The following ALKAL2 variants were observed in gnomAD, a reference collection of about 807,000 sequenced individuals.
ALKAL2 encodes the protein ALK and LTK ligand 2, also known as AUG-alpha.
ALKAL2 carries 8 observed loss-of-function variants against 18.5 expected under a neutral mutation model. The observed-to-expected ratio is 0.43, with a 90% CI of 0.25 to 0.78. The LOEUF (loss-of-function observed/expected upper bound fraction) is 0.78. ALKAL2 is among the 30% of genes least tolerant of loss of function. The pLI is 0.22. For synonymous variants in ALKAL2, 135 were observed against 95.8 expected (o/e 1.41, Z -2.39); for missense variants, 241 against 211.2 (o/e 1.14, Z -0.88).
intron 2 of ALKAL2, 152 bp from the exon 3 acceptor site, chr2:286,495 C>G (rs1013068019): frequency 3.3e-6 from 2 of 599,810 alleles, no homozygotes; most frequent in Non-Finnish European, 5.9e-6. Context: ...TTGCAACACA[C>G]GACAGTGAAG....
intron 4 of ALKAL2, among the ~76,000 whole-genome samples, chr2:285,152 G>C (rs1302072112): frequency 6.6e-6 from 1 of 152,256 alleles, no homozygotes; most frequent in African/African-American, 2.4e-5. Flanking sequence ...AAACGCGCTG[G>C]TGACGCTACT....
intron 2 of ALKAL2, 43 bp from the exon 3 acceptor site, chr2:286,386 A>T (rs557522709): frequency 4.7e-5 from 69 of 1,470,752 alleles, no homozygotes; most frequent in Middle Eastern, 3.9e-4. Flanking sequence ...TGAAGGACGC[A>T]TTTTTTAAAA....
In ALKAL2 at chr2:287,879, G is replaced by A. The variant is rs1670581958; in HGVS notation, c.-44C>T. On this transcript the variant is annotated 5_prime_UTR_variant, in exon 2 of 6. Coordinates refer to ENST00000403610, the MANE Select transcript of ALKAL2 (RefSeq NM_001002919.3). ...GGGCTGGGAGACTCCGACACGCGCC[G>A]AGAGCTGGGCTCGCTGCGAGAGAAG... 2.4e-6 allele frequency: 3 copies of A among 1,258,218 alleles called. No individual in the cohort carries two copies. The Admixed American group carries it at 1.3e-4, about 54-fold the overall frequency. The allele number at this position is 1,258,218 out of a possible 1,614,324, so 77.9% of individuals were successfully genotyped here.
intron 4 of ALKAL2, 108 bp downstream of exon 4, chr2:286,015 A>G: frequency 1.1e-6 from 1 of 908,520 alleles, no homozygotes; most frequent in South Asian, 1.6e-5. Flanking sequence ...AGGAAGGAAT[A>G]GGCAAATTTG....
chr2:287,786 C>T lies in ALKAL2; in HGVS notation c.50G>A (p.Gly17Glu). 2 of 1,393,746 alleles carry T rather than the reference C, an allele frequency of 1.4e-6. No individual in the cohort carries two copies. Among genetic ancestry groups the T allele is most frequent in the Non-Finnish European group, 9.3e-7 (1 of 1,080,460 alleles). 86.3% of individuals were successfully genotyped at this position (1,393,746 alleles called of 1,614,324 possible). A position where few individuals can be genotyped will look rare whatever the true frequency, so the allele number is the denominator to read the frequency against. Residue 17 changes from glycine to glutamate, a missense_variant, in exon 2 of 6, where the codon GGG becomes GAG. Physicochemically the swap from Gly to Glu is moderately conservative, Grantham distance 98. Transcript: ENST00000403610. ...GCCCCCCCGGCCGCGCCCCGCCGCC[C>T]CCAGCACCAGCAGCAGCCCCAGGAG... Reference protein sequence around the residue: ...PLLLGLLLVLGAAGRGRGGAE... With the variant: ...PLLLGLLLVLEAAGRGRGGAE...
Position 280,074 on chromosome 2 carries a change from G to C in ALKAL2, c.*73C>G. The C allele has an allele frequency of 6.4e-7, 1 of 1,554,626 alleles. No individual in the cohort carries two copies. The highest frequency in any genetic ancestry group is 8.9e-7 in the Non-Finnish European group (1 of 1,125,716). On this transcript the variant is annotated 3_prime_UTR_variant, in exon 6 of 6. Transcript: ENST00000403610. Reference sequence around the variant, plus strand: ...TTGTCCATGAGGGGATGTGTATAAAGATAGTTCTGTTTCCCTGTTGGTTTC... The same window carrying C: ...TTGTCCATGAGGGGATGTGTATAAACATAGTTCTGTTTCCCTGTTGGTTTC...
At position 286,212 on chromosome 2, in the gene ALKAL2, C is replaced by G. The variant is rs552092917; in HGVS notation, c.308-9G>C. On this transcript the variant is annotated splice_polypyrimidine_tract_variant and intron_variant, in intron 3 of 5. Transcript: ENST00000403610. The stretch of plus-strand genomic sequence containing the variant: ...ACTAAAATAAAGAGGGCCTGGAACA[C>G]GGAAGAAGAAACAGATCATGAAGAC... The G allele has an allele frequency of 6.2e-7, 1 of 1,613,414 alleles. No homozygotes were observed. Among genetic ancestry groups the G allele is most frequent in the South Asian group, 1.1e-5 (1 of 91,022 alleles).
rs766597625 is a variant in ALKAL2, at chr2:287,571, G to C, written c.253+12C>G. On this transcript the variant is annotated intron_variant, in intron 2 of 5. Coordinates refer to ENST00000403610, the MANE Select transcript of ALKAL2 (RefSeq NM_001002919.3). ...GCAGCCCCGGCCCTCGGGCGCGCTC[G>C]GCCCCACTCACCCACTCGCTGCTCC... The C allele has an allele frequency of 2.1e-6, 3 of 1,397,016 alleles. No homozygotes were observed. The highest frequency in any genetic ancestry group is 1.8e-6 in the Non-Finnish European group (2 of 1,081,666). The allele number at this position is 1,397,016 out of a possible 1,614,324, so 86.5% of individuals were successfully genotyped here. A position where few individuals can be genotyped will look rare whatever the true frequency, so the allele number is the denominator to read the frequency against.
intron 4 of ALKAL2, chr2:283,547 A>C (rs1670418220): frequency 3.0e-6 from 3 of 985,456 alleles, no homozygotes; most frequent in East Asian, 1.1e-4. Flanking sequence ...GTGCAGGCTG[A>C]ATCCCAACTT....
At chr2:285,669 G>C (rs958817911) in intron 4 of ALKAL2, among the ~76,000 whole-genome samples, 2 of 152,206 alleles carry the variant, frequency 1.3e-5, no homozygotes, top group Non-Finnish European at 2.9e-5. Context: ...GCCAGCCAGA[G>C]AAACAGTTTT....
In ALKAL2 at chr2:287,561, G is replaced by A. The variant is rs760058672; in HGVS notation, c.253+22C>T. 3.7e-6 allele frequency: 5 copies of A among 1,362,700 alleles called. No individual in the cohort carries two copies. The African/African-American group carries it at 6.1e-5, about 17-fold the overall frequency. The allele number at this position is 1,362,700 out of a possible 1,614,324, so 84.4% of individuals were successfully genotyped here. On this transcript the variant is annotated intron_variant, in intron 2 of 5. Coordinates refer to ENST00000403610, the MANE Select transcript of ALKAL2 (RefSeq NM_001002919.3). ...CTATTTCCCAGCAGCCCCGGCCCTC[G>A]GGCGCGCTCGGCCCCACTCACCCAC...
At position 283,252 on chromosome 2, in the gene ALKAL2, C is replaced by G. The variant is rs931564835; in HGVS notation, c.389-77G>C. 121 of 1,538,946 alleles carry G rather than the reference C, an allele frequency of 7.9e-5. 1 individual carries two copies. Among genetic ancestry groups the G allele is most frequent in the Non-Finnish European group, 3.2e-5 (36 of 1,141,272 alleles). ...TCGCATTTTTTTGCAAGTATATCAG[C>G]TACTAAAGCCATTTATTTCTTCAAA... On this transcript the variant is annotated intron_variant, in intron 4 of 5. Coordinates refer to ENST00000403610, the MANE Select transcript of ALKAL2 (RefSeq NM_001002919.3).
intron 2 of ALKAL2, 190 bp downstream of exon 2, chr2:287,393 G>A (rs1670551672): frequency 4.5e-6 from 2 of 442,108 alleles, no homozygotes; most frequent in Non-Finnish European, 7.5e-6. Flanking sequence ...AAGGAGACCA[G>A]GCGCTTCTCC....
chr2:285,911 T>G lies in ALKAL2; in HGVS notation c.388+212A>C, dbSNP rs917212664. 16 of 535,722 alleles carry G rather than the reference T, an allele frequency of 3.0e-5. No individual in the cohort carries two copies. The South Asian group carries it at 3.9e-4, about 13-fold the overall frequency. 33.2% of individuals were successfully genotyped at this position (535,722 alleles called of 1,614,324 possible). ...CCATCCCAAGAGCCTATTATTCCAA[T>G]GACTGTAAATAATTTCCAGTTTGGC... On this transcript the variant is annotated intron_variant, in intron 4 of 5. Transcript: ENST00000403610.
chr2:283,669 GT>G (rs1670422094), intron 4 of ALKAL2: 1 of 807,714 alleles, frequency 1.2e-6, no homozygotes, highest in Non-Finnish European at 1.5e-6. Context: ...CAATGTGCCC[GT>G]TTCTAAGCGC....
intron 1 of ALKAL2, 24 bp from the exon 2 acceptor site, chr2:287,916 G>A (rs961631588): frequency 6.4e-6 from 8 of 1,242,762 alleles, no homozygotes; most frequent in East Asian, 6.6e-5. Flanking sequence ...GGCGCGGGGG[G>A]CCGGAGAGAA....
Position 288,065 on chromosome 2 carries a change from G to T in ALKAL2, c.-110C>A. 1.9e-5 allele frequency: 23 copies of T among 1,205,868 alleles called. No individual in the cohort carries two copies. The highest frequency in any genetic ancestry group is 2.4e-5 in the Non-Finnish European group (23 of 972,486). The allele number at this position is 1,205,868 out of a possible 1,614,324, so 74.7% of individuals were successfully genotyped here. On this transcript the variant is annotated 5_prime_UTR_variant, in exon 1 of 6. Transcript: ENST00000403610. The stretch of plus-strand genomic sequence containing the variant: ...CAGGTGAGGGAGCCGCGGTCTCCTC[G>T]ACGATCACGCCCGAGGTCCCGCCCA...
At chr2:285,876 G>C (rs992655261) in intron 4 of ALKAL2, 1 of 450,820 alleles carries the variant, frequency 2.2e-6, no homozygotes, top group Non-Finnish European at 4.0e-6. Flanking sequence ...GAGGAGAATC[G>C]GAGTTCAGCC....
At chr2:283,058 A>G in intron 5 of ALKAL2, 53 bp downstream of exon 5, 3 of 1,541,948 alleles carry the variant, frequency 1.9e-6, no homozygotes, top group Non-Finnish European at 1.8e-6. Context: ...TCATGTCCCA[A>G]GCGGGATTCC....
Sources: allele counts gnomAD v4.1 joint callset (sites outside exome capture counted in the v4.1 genomes callset), GRCh38; gene constraint gnomAD v4.1.1; transcripts MANE v1.5; gene names NCBI Gene and HGNC (gene_info 2026-07-23, HGNC 2026-07-21).